LMX1A: variants seen among roughly 807,000 people sequenced by gnomAD.
LMX1A encodes the protein LIM homeobox transcription factor 1 alpha, also known as LIM homeobox transcription factor 1-alpha.
In LMX1A, 15 loss-of-function variants were observed where a neutral mutation model predicts 49.1. The observed-to-expected ratio is 0.31, with a 90% CI of 0.20 to 0.47. LMX1A has a LOEUF of 0.47. Among genes scored for constraint, LMX1A ranks in the 20% least tolerant of loss-of-function variants. The pLI is 1.00. For missense variants in LMX1A, 372 were observed against 475.8 expected (o/e 0.78, Z 2.03); for synonymous variants, 167 against 185.7 (o/e 0.90, Z 0.82).
At chr1:165,229,821 G>A (rs569228816) in intron 4 of LMX1A, among the ~76,000 whole-genome samples, 41 of 152,206 alleles carry the variant, frequency 2.7e-4, no homozygotes, top group Admixed American at 2.2e-3. Context: ...GAGGGGGGCC[G>A]TAGATGCAAT....
At chr1:165,229,071 A>G (rs1428263782) in intron 4 of LMX1A, among the ~76,000 whole-genome samples, 2 of 152,182 alleles carry the variant, frequency 1.3e-5, no homozygotes, top group Admixed American at 1.3e-4. Context: ...ATTTCATCAA[A>G]TATCAGCTGC....
intron 3 of LMX1A, among the ~76,000 whole-genome samples, chr1:165,340,142 C>T (rs1028922087): frequency 1.3e-5 from 2 of 152,258 alleles, no homozygotes; most frequent in Non-Finnish European, 2.9e-5. Context: ...GGGTCTTGCT[C>T]TGTTGCCCAG....
At chr1:165,280,216 C>G (rs1654105291) in intron 3 of LMX1A, among the ~76,000 whole-genome samples, 1 of 152,218 alleles carries the variant, frequency 6.6e-6, no homozygotes, top group African/African-American at 2.4e-5. Context: ...CCATCCTAAG[C>G]TTCCCGTTTT....
chr1:165,205,731 C>T, intron 8 of LMX1A, 133 bp downstream of exon 8: 1 of 762,330 alleles, frequency 1.3e-6, no homozygotes. Flanking sequence ...GCGATTCTGG[C>T]AGTATTTTGT....
intron 3 of LMX1A, among the ~76,000 whole-genome samples, chr1:165,320,306 C>T (rs1005138319): frequency 6.6e-6 from 1 of 152,170 alleles, no homozygotes; most frequent in Non-Finnish European, 1.5e-5. Flanking sequence ...CCATAGAGAG[C>T]GTGCCACAAA....
intron 4 of LMX1A, among the ~76,000 whole-genome samples, chr1:165,235,407 GAC>G (rs5778434): frequency 3.7e-5 from 5 of 134,586 alleles, no homozygotes; most frequent in Admixed American, 1.5e-4. Flanking sequence ...CGCTCGCGCG[GAC>G]ACACACACAC....
intron 3 of LMX1A, among the ~76,000 whole-genome samples, chr1:165,266,084 A>C (rs188707551): frequency 1.3e-5 from 2 of 152,358 alleles, no homozygotes; most frequent in Non-Finnish European, 2.9e-5. Context: ...TAGGAATATA[A>C]CAGTAAACAC....
rs538940376 is a variant in LMX1A at position 165,327,761 on chromosome 1, A to G, written c.263+25315T>C. Among the ~76,000 whole-genome samples, 49 of 152,344 alleles carry G rather than the reference A, an allele frequency of 3.2e-4. 1 individual carries two copies. The highest frequency in any genetic ancestry group is 6.2e-4 in the Non-Finnish European group (42 of 68,030). ...GGACTCCCACACTGCTCACAGCCCA[A>G]ATCCAGTCCCTCTTCAACAAGGTAG... On this transcript the variant is annotated intron_variant, in intron 3 of 8. Transcript: ENST00000342310.
Position 165,210,678 on chromosome 1 carries a change from TA to T in LMX1A, c.747+20del, listed in dbSNP as rs535958123. ...AGGAAACCAGCAACATGGGGACAGA[TA>T]AAAGTAAGAAGCAGGTTACCTTCGC... On this transcript the variant is annotated intron_variant, in intron 6 of 8. Transcript: ENST00000342310. 2.5e-6 allele frequency: 4 copies of T among 1,591,172 alleles called. No homozygotes were observed. The highest frequency in any genetic ancestry group is 3.4e-6 in the Non-Finnish European group (4 of 1,159,634).
intron 4 of LMX1A, among the ~76,000 whole-genome samples, chr1:165,233,161 C>G (rs916052145): frequency 2.6e-5 from 4 of 152,254 alleles, no homozygotes; most frequent in Non-Finnish European, 5.9e-5. Context: ...TGGTTTAAAA[C>G]TACCCAGTTT....
At chr1:165,347,074 C>T (rs954741240) in intron 3 of LMX1A, among the ~76,000 whole-genome samples, 5 of 152,134 alleles carry the variant, frequency 3.3e-5, no homozygotes, top group Admixed American at 2.6e-4. Flanking sequence ...GATAAAATAA[C>T]TAAAACACCT....
At chr1:165,322,129 C>T (rs996316408) in intron 3 of LMX1A, among the ~76,000 whole-genome samples, 1 of 151,972 alleles carries the variant, frequency 6.6e-6, no homozygotes, top group Non-Finnish European at 1.5e-5. Context: ...GAATGAGATA[C>T]CACTTTATAC....
At chr1:165,303,010 T>C (rs541339813) in intron 3 of LMX1A, among the ~76,000 whole-genome samples, 4 of 152,262 alleles carry the variant, frequency 2.6e-5, no homozygotes, top group Non-Finnish European at 5.9e-5. Context: ...TTCTATTCTT[T>C]TTACAATCAT....
chr1:165,208,382 T>A (rs1367041830), intron 6 of LMX1A, among the ~76,000 whole-genome samples: 3 of 152,174 alleles, frequency 2.0e-5, no homozygotes, highest in Non-Finnish European at 2.9e-5. Context: ...TTAGCAGGAA[T>A]AGGGATTTTT....
At chr1:165,298,626 G>C (rs1414550372) in intron 3 of LMX1A, among the ~76,000 whole-genome samples, 1 of 152,228 alleles carries the variant, frequency 6.6e-6, no homozygotes, top group African/African-American at 2.4e-5. Flanking sequence ...ATCATCTCTT[G>C]TCAGTGTTCC....
At chr1:165,295,338 A>T (rs1215724448) in intron 3 of LMX1A, among the ~76,000 whole-genome samples, 1 of 151,486 alleles carries the variant, frequency 6.6e-6, no homozygotes, top group African/African-American at 2.4e-5. Context: ...GATGATGGGT[A>T]ATTTTTGTTT....
rs138698065 is a variant in LMX1A, at chr1:165,347,246, T to G, written c.263+5830A>C. Among the ~76,000 whole-genome samples, 19 of 152,330 alleles carry G rather than the reference T, an allele frequency of 1.2e-4. No homozygotes were observed. In the East Asian group the frequency reaches 3.7e-3, roughly 29 times the overall value. On this transcript the variant is annotated intron_variant, in intron 3 of 8. Transcript: ENST00000342310. The stretch of plus-strand genomic sequence containing the variant: ...TCTCTGATATTTGCTCCAGAACCTT[T>G]TCTACACTTTGCTCTCAAAATTAGC...
Position 165,352,963 on chromosome 1 carries a change from G to A in LMX1A, c.263+113C>T, listed in dbSNP as rs1656477255. ...ACTGCGCTGAAGGGAAGTTCTGCTC[G>A]CTGGGCGTGTCTCTTGGGCCTTCCA... On this transcript the variant is annotated intron_variant, in intron 3 of 8. Transcript: ENST00000342310. 6 of 1,110,350 alleles carry A rather than the reference G, an allele frequency of 5.4e-6. No individual in the cohort carries two copies. In the Admixed American group the frequency reaches 5.7e-5, roughly 11 times the overall value. 68.8% of individuals were successfully genotyped at this position (1,110,350 alleles called of 1,614,324 possible).
chr1:165,214,553 C>T (rs764252503), intron 4 of LMX1A, among the ~76,000 whole-genome samples: 7 of 152,192 alleles, frequency 4.6e-5, no homozygotes, highest in South Asian at 2.1e-4. Flanking sequence ...TATACCAGTA[C>T]GGCACTGAGT....
Sources: gnomAD v4.1 joint callset for allele counts (sites outside exome capture counted in the v4.1 genomes callset) on GRCh38, gnomAD v4.1.1 for gene constraint, MANE v1.5 for transcripts, NCBI Gene and HGNC (gene_info 2026-07-23, HGNC 2026-07-21) for gene names.